The following SPHKAP variants were observed in gnomAD, a reference collection of about 807,000 sequenced individuals.
SPHKAP encodes SPHK1 interactor, AKAP domain containing, also known as A-kinase anchor protein SPHKAP.
A neutral mutation model predicts 137.5 loss-of-function variants in SPHKAP; 67 were observed. The observed-to-expected ratio is 0.49, with a 90% CI of 0.40 to 0.60. The LOEUF (loss-of-function observed/expected upper bound fraction) is 0.60, where lower values mean the gene tolerates loss of function less well. Ranked by LOEUF, SPHKAP falls within the 20% of genes least tolerant of loss-of-function variation. The pLI is 0.00. For synonymous variants in SPHKAP, 813 were observed against 785.3 expected (o/e 1.04, Z -0.59); for missense variants, 2,097 against 2,069.3 (o/e 1.01, Z -0.26).
chr2:228,154,533 T>TATATATA (rs57634967), intron 1 of SPHKAP, among the ~76,000 whole-genome samples: 8 of 15,524 alleles, frequency 5.2e-4, no homozygotes, highest in East Asian at 3.2e-3. Flanking sequence ...TATATATATA[T>TATATATA]TTTTTTTTTT....
intron 3 of SPHKAP, among the ~76,000 whole-genome samples, chr2:228,075,044 T>G (rs1697133672): frequency 1.3e-5 from 2 of 152,132 alleles, no homozygotes. Flanking sequence ...AAATTTTGGT[T>G]CTGAAAGGGC....
intron 1 of SPHKAP, among the ~76,000 whole-genome samples, chr2:228,179,105 C>T (rs1311023651): frequency 6.6e-5 from 10 of 152,012 alleles, no homozygotes; most frequent in Admixed American, 6.5e-4. Context: ...CTATAATTAA[C>T]TCAATGTTAT....
In SPHKAP at chr2:228,093,859, C is replaced by CAAAAAAAAAAAA. The variant is rs11336381; in HGVS notation, c.246+14961_246+14972dup. 7.1e-4 allele frequency among the ~76,000 whole-genome samples: 55 copies of CAAAAAAAAAAAA among 77,136 alleles called. 4 individuals carry two copies. The highest frequency in any genetic ancestry group is 8.2e-4 in the East Asian group (2 of 2,434). The allele number at this position is 77,136 out of a possible 152,430, so 50.6% of individuals were successfully genotyped here. On this transcript the variant is annotated intron_variant, in intron 3 of 11. Transcript: ENST00000392056. ...TGGGCGACAGGGCAAGACTCCGTTT[C>CAAAAAAAAAAAA]AAAAAAAAAAAAAAAAAAAAAAAAA...
chr2:228,082,692 C>A (rs1177379888), intron 3 of SPHKAP, among the ~76,000 whole-genome samples: 1 of 151,988 alleles, frequency 6.6e-6, no homozygotes, highest in African/African-American at 2.4e-5. Flanking sequence ...GACACTGGAC[C>A]CCTGGGTGGA....
intron 3 of SPHKAP, among the ~76,000 whole-genome samples, chr2:228,069,281 C>T (rs1002356441): frequency 1.3e-5 from 2 of 152,090 alleles, no homozygotes; most frequent in Non-Finnish European, 2.9e-5. Flanking sequence ...ACAACAACAA[C>T]AACTGGGCAA....
At chr2:227,986,414 T>TG (rs1693211778) in intron 11 of SPHKAP, among the ~76,000 whole-genome samples, 1 of 152,052 alleles carries the variant, frequency 6.6e-6, no homozygotes, top group South Asian at 2.1e-4. Flanking sequence ...TTTGGAGACT[T>TG]GGGGCAAAGG....
At chr2:228,006,133 G>T (rs796240552) in intron 7 of SPHKAP, among the ~76,000 whole-genome samples, 13 of 152,310 alleles carry the variant, frequency 8.5e-5, no homozygotes, top group African/African-American at 3.1e-4. Flanking sequence ...TCTGCAGAGT[G>T]TTTTCCAAGT....
chr2:228,025,576 A>C, intron 4 of SPHKAP, 48 bp from the exon 5 acceptor site: 1 of 1,604,604 alleles, frequency 6.2e-7, no homozygotes, highest in Non-Finnish European at 8.5e-7. Context: ...TTTTCACCAA[A>C]TACTACTCAC....
At chr2:228,109,462 A>T in intron 2 of SPHKAP, 1 of 748,594 alleles carries the variant, frequency 1.3e-6, no homozygotes, top group Non-Finnish European at 1.6e-6. Context: ...GAAATAACTT[A>T]TAAACAAATT....
chr2:228,151,279 C>T (rs1247352107), intron 1 of SPHKAP, among the ~76,000 whole-genome samples: 1 of 151,818 alleles, frequency 6.6e-6, no homozygotes, highest in Non-Finnish European at 1.5e-5. Context: ...TTTTTTATGG[C>T]TGCATAGTAT....
At chr2:228,022,680 A>AT (rs1403805641) in intron 5 of SPHKAP, among the ~76,000 whole-genome samples, 1 of 152,194 alleles carries the variant, frequency 6.6e-6, no homozygotes, top group Non-Finnish European at 1.5e-5. Context: ...AATTTTCTAG[A>AT]TTAAATGCTC....
chr2:228,055,424 G>A (rs1696404022), intron 3 of SPHKAP, among the ~76,000 whole-genome samples: 1 of 152,094 alleles, frequency 6.6e-6, no homozygotes, highest in African/African-American at 2.4e-5. Context: ...CCCTCACTGG[G>A]GAAGGTTCAT....
At position 228,174,414 on chromosome 2, in the gene SPHKAP, G is replaced by A. The variant is rs372907181; in HGVS notation, c.32+7153C>T. Among the ~76,000 whole-genome samples the A allele has an allele frequency of 2.0e-5, 3 of 152,238 alleles. No homozygotes were observed. The East Asian group carries it at 5.8e-4, about 29-fold the overall frequency. Reference sequence around the variant, plus strand: ...GAAGGTCTTGAAGGACTCCGGAGTGGAAATGTACTGGCATTAGAAAACTGA... The same window carrying A: ...GAAGGTCTTGAAGGACTCCGGAGTGAAAATGTACTGGCATTAGAAAACTGA... On this transcript the variant is annotated intron_variant, in intron 1 of 11. Transcript: ENST00000392056.
intron 3 of SPHKAP, among the ~76,000 whole-genome samples, chr2:228,035,614 C>A (rs536718242): frequency 4.5e-4 from 69 of 152,372 alleles, no homozygotes; most frequent in African/African-American, 1.6e-3. Flanking sequence ...AGGCATCACA[C>A]TGCCTGACTT....
At chr2:228,036,776 C>T (rs923232331) in intron 3 of SPHKAP, among the ~76,000 whole-genome samples, 20 of 151,846 alleles carry the variant, frequency 1.3e-4, no homozygotes, top group Non-Finnish European at 2.1e-4. Context: ...CGAAAACTAT[C>T]GCAAGGACAA....
chr2:228,135,195 A>G (rs1266958362), intron 1 of SPHKAP, among the ~76,000 whole-genome samples: 1 of 147,960 alleles, frequency 6.8e-6, no homozygotes, highest in Non-Finnish European at 1.5e-5. Context: ...AATCGCTTCA[A>G]CCCAGGAGGC....
intron 7 of SPHKAP, among the ~76,000 whole-genome samples, chr2:228,012,365 T>C (rs1390102630): frequency 1.3e-5 from 2 of 152,066 alleles, no homozygotes; most frequent in African/African-American, 2.4e-5. Flanking sequence ...AGGTGATTCA[T>C]AGTGGGAACA....
At chr2:228,118,240 G>GTTTT (rs71299665) in intron 2 of SPHKAP, among the ~76,000 whole-genome samples, 24 of 124,140 alleles carry the variant, frequency 1.9e-4, no homozygotes, top group African/African-American at 4.9e-4. Flanking sequence ...GAGATACACA[G>GTTTT]TTTTTTTTTT....
At chr2:228,067,964 A>G (rs540002866) in intron 3 of SPHKAP, among the ~76,000 whole-genome samples, 5 of 152,200 alleles carry the variant, frequency 3.3e-5, no homozygotes, top group Non-Finnish European at 7.3e-5. Context: ...TGATGATATG[A>G]TCTTATATTT....
Sources: allele counts gnomAD v4.1 joint callset (sites outside exome capture counted in the v4.1 genomes callset), GRCh38; gene constraint gnomAD v4.1.1; transcripts MANE v1.5; gene names NCBI Gene and HGNC (gene_info 2026-07-23, HGNC 2026-07-21).